CACNG5: variants seen among roughly 807,000 people sequenced by gnomAD.
CACNG5 encodes the protein voltage-dependent calcium channel gamma-5 subunit.
CACNG5 carries 18 observed loss-of-function variants against 24.8 expected under a neutral mutation model. The observed-to-expected ratio is 0.73, with a 90% CI of 0.50 to 1.08. CACNG5 has a LOEUF of 1.08. CACNG5 is among the 50% of genes least tolerant of loss of function. The pLI is 0.00. For missense variants in CACNG5, 349 were observed against 367.9 expected (o/e 0.95, Z 0.42); for synonymous variants, 157 against 149.1 (o/e 1.05, Z -0.39).
At position 66,884,545 on chromosome 17, in the gene CACNG5, T is replaced by C; in HGVS notation, c.454T>C (p.Tyr152His). The change falls in exon 5 of 6, where the codon TAC becomes CAC. Residue 152 changes from tyrosine (Y) to histidine (H), a missense_variant. By Grantham distance (83) the Tyr-to-His change is moderately conservative (BLOSUM62 2). Coordinates refer to ENST00000533854, the MANE Select transcript of CACNG5 (RefSeq NM_145811.3). ...CTCTCTCGTGGTGGGCCTGGTGCTC[T>C]ACATCTCCAGCATCAACGATGAGAT... Reference protein sequence around the residue: ...GLSLVVGLVLYISSINDEMLN... With the variant: ...GLSLVVGLVLHISSINDEMLN... The C allele has an allele frequency of 6.2e-7, 1 of 1,613,734 alleles. No individual in the cohort carries two copies.
Position 66,885,347 on chromosome 17 carries a change from C to A in CACNG5, c.*107C>A. 1.5e-6 allele frequency: 2 copies of A among 1,362,448 alleles called. No individual in the cohort carries two copies. The highest frequency in any genetic ancestry group is 2.3e-5 in the East Asian group (1 of 43,066). 84.4% of individuals were successfully genotyped at this position (1,362,448 alleles called of 1,614,324 possible). On this transcript the variant is annotated 3_prime_UTR_variant, in exon 6 of 6. Coordinates refer to ENST00000533854, the MANE Select transcript of CACNG5 (RefSeq NM_145811.3). ...CTGTGGTTGACAGGCCCAGGCCACC[C>A]ATGCTTAGCTGTTGTCACTTGACCC...
intron 1 of CACNG5, among the ~76,000 whole-genome samples, chr17:66,838,769 G>A (rs1267610052): frequency 9.2e-5 from 14 of 151,960 alleles, no homozygotes; most frequent in Non-Finnish European, 1.5e-5. Flanking sequence ...AGCATTTATT[G>A]AGCACCTGCT....
chr17:66,862,590 C>T (rs983656933), intron 1 of CACNG5, among the ~76,000 whole-genome samples: 8 of 152,208 alleles, frequency 5.3e-5, no homozygotes, highest in South Asian at 2.1e-4. Flanking sequence ...TATGGAACTT[C>T]GTCATATGTA....
intron 4 of CACNG5, among the ~76,000 whole-genome samples, chr17:66,881,959 G>C (rs1209942099): frequency 6.6e-6 from 1 of 152,116 alleles, no homozygotes; most frequent in East Asian, 1.9e-4. Context: ...TATGGATTCG[G>C]GACTTTAGGA....
intron 1 of CACNG5, among the ~76,000 whole-genome samples, chr17:66,857,595 T>C (rs1012651391): frequency 1.3e-5 from 2 of 152,252 alleles, no homozygotes; most frequent in Admixed American, 1.3e-4. Flanking sequence ...ATCTGGGGTA[T>C]GTGTTCATAC....
chr17:66,839,816 G>A (rs1054526331), intron 1 of CACNG5, among the ~76,000 whole-genome samples: 12 of 152,266 alleles, frequency 7.9e-5, no homozygotes, highest in South Asian at 2.1e-4. Flanking sequence ...CACAAACGCC[G>A]CTCCAGGGCT....
At chr17:66,876,686 C>A (rs530887372) in intron 1 of CACNG5, among the ~76,000 whole-genome samples, 35 of 152,290 alleles carry the variant, frequency 2.3e-4, no homozygotes, top group African/African-American at 7.7e-4. Context: ...AAGAAATCTT[C>A]CCTGCCTCTC....
chr17:66,854,690 G>C (rs1298065794), intron 1 of CACNG5, among the ~76,000 whole-genome samples: 2 of 151,950 alleles, frequency 1.3e-5, no homozygotes, highest in Non-Finnish European at 2.9e-5. Flanking sequence ...GCAAGACTCT[G>C]TCTCAAAAAA....
At chr17:66,842,981 A>G (rs1010963454) in intron 1 of CACNG5, among the ~76,000 whole-genome samples, 1 of 152,240 alleles carries the variant, frequency 6.6e-6, no homozygotes, top group Non-Finnish European at 1.5e-5. Context: ...TCAGTCCTGC[A>G]CGCCAGCAAC....
chr17:66,857,253 C>T (rs141205099), intron 1 of CACNG5, among the ~76,000 whole-genome samples: 135 of 151,654 alleles, frequency 8.9e-4, no homozygotes, highest in Non-Finnish European at 1.7e-3. Context: ...ACTATATTAC[C>T]CAGGCTGGTC....
At chr17:66,853,989 A>G (rs1400245164) in intron 1 of CACNG5, among the ~76,000 whole-genome samples, 3 of 152,202 alleles carry the variant, frequency 2.0e-5, no homozygotes, top group Non-Finnish European at 2.9e-5. Context: ...GTCAATATTC[A>G]CAGGCTATAT....
At chr17:66,877,184 T>C (rs546613866) in intron 1 of CACNG5, 46 bp from the exon 2 acceptor site, 4 of 625,768 alleles carry the variant, frequency 6.4e-6, no homozygotes, top group Admixed American at 5.9e-5. Flanking sequence ...TTGAGCCAGG[T>C]TGGGGTTTGA....
At chr17:66,872,579 G>A (rs11650059) in intron 1 of CACNG5, among the ~76,000 whole-genome samples, 60,972 of 152,080 alleles carry the variant, frequency 0.4, 12,944 homozygotes, top group South Asian at 0.55. Context: ...AATTTTCTGC[G>A]CAATACAGAA....
In CACNG5 at chr17:66,892,791, T is replaced by C. The variant is rs2143150176; in HGVS notation, c.*7551T>C. Among the ~76,000 whole-genome samples, 1 of 152,290 alleles carries C rather than the reference T, an allele frequency of 6.6e-6. No homozygotes were observed. The highest frequency in any genetic ancestry group is 1.9e-4 in the East Asian group (1 of 5,180). On this transcript the variant is annotated 3_prime_UTR_variant, in exon 6 of 6. Coordinates refer to ENST00000533854, the MANE Select transcript of CACNG5 (RefSeq NM_145811.3). ...ACTAAATTAAACCACATAAGGTGAG[T>C]AGCAGCTATTCAATCCATAGCATTT...
chr17:66,875,677 C>A (rs887868445), intron 1 of CACNG5, among the ~76,000 whole-genome samples: 1 of 152,224 alleles, frequency 6.6e-6, no homozygotes, highest in Non-Finnish European at 1.5e-5. Flanking sequence ...TGGGGCAGGG[C>A]CCTAGGACTC....
Position 66,891,712 on chromosome 17 carries a change from A to T in CACNG5, c.*6472A>T, listed in dbSNP as rs1977347684. Among the ~76,000 whole-genome samples, 1 of 152,212 alleles carries T rather than the reference A, an allele frequency of 6.6e-6. No homozygotes were observed. Among genetic ancestry groups the T allele is most frequent in the South Asian group, 2.1e-4 (1 of 4,832 alleles). On this transcript the variant is annotated 3_prime_UTR_variant, in exon 6 of 6. Coordinates refer to ENST00000533854, the MANE Select transcript of CACNG5 (RefSeq NM_145811.3). Reference sequence around the variant, plus strand: ...TAGAGAAGAGAACGTAGATCCCACCATCTCAGATGTGAGGAGTGTCAGAGT... The same window carrying T: ...TAGAGAAGAGAACGTAGATCCCACCTTCTCAGATGTGAGGAGTGTCAGAGT...
intron 1 of CACNG5, among the ~76,000 whole-genome samples, chr17:66,872,507 TTAA>T (rs1219272211): frequency 6.6e-6 from 1 of 152,222 alleles, no homozygotes; most frequent in Non-Finnish European, 1.5e-5. Context: ...AACTAAGATA[TTAA>T]TGATGATGGT....
At chr17:66,843,655 G>C (rs1490548364) in intron 1 of CACNG5, among the ~76,000 whole-genome samples, 2 of 152,116 alleles carry the variant, frequency 1.3e-5, no homozygotes, top group Non-Finnish European at 2.9e-5. Flanking sequence ...CTGCAGGGGG[G>C]TGGTCCTGTT....
At chr17:66,846,705 T>G (rs1042575213) in intron 1 of CACNG5, among the ~76,000 whole-genome samples, 7 of 152,248 alleles carry the variant, frequency 4.6e-5, no homozygotes, top group African/African-American at 1.4e-4. Flanking sequence ...TCTTTGGACT[T>G]ATGAATAATG....
Sources: gnomAD v4.1 joint callset for allele counts (sites outside exome capture counted in the v4.1 genomes callset) on GRCh38, gnomAD v4.1.1 for gene constraint, MANE v1.5 for transcripts, NCBI Gene and HGNC (gene_info 2026-07-23, HGNC 2026-07-21) for gene names.